Variants in ATP2A1 observed in about 807,000 individuals in gnomAD.
ATP2A1 encodes ATPase sarcoplasmic/endoplasmic reticulum Ca2+ transporting 1.
A neutral mutation model predicts 109.5 loss-of-function variants in ATP2A1; 83 were observed. The observed-to-expected ratio is 0.76, with a 90% CI of 0.63 to 0.91. The LOEUF is 0.91. ATP2A1 is among the 40% of genes least tolerant of loss of function. ATP2A1 has a pLI of 0.00. For missense variants in ATP2A1, 1,101 were observed against 1,341.0 expected (o/e 0.82, Z 2.80); for synonymous variants, 505 against 537.6 (o/e 0.94, Z 0.84).
In ATP2A1 at chr16:28,880,816, A is replaced by C; in HGVS notation, c.220-99A>C. On this transcript the variant is annotated intron_variant, in intron 3 of 22. Transcript: ENST00000395503. The surrounding 1 kb of genome is among the most constrained non-coding windows in gnomAD (Gnocchi z 4.2). ...GCCCGGCCCTCCTGCTGGCTCCTGC[A>C]CTCTCCTGCACAGTTCTCCCCTTTG... The C allele has an allele frequency of 8.3e-7, 1 of 1,200,174 alleles. No homozygotes were observed. The highest frequency in any genetic ancestry group is 1.2e-6 in the Non-Finnish European group (1 of 807,532). 74.3% of individuals were successfully genotyped at this position (1,200,174 alleles called of 1,614,324 possible). A position where few individuals can be genotyped will look rare whatever the true frequency, so the allele number is the denominator to read the frequency against.
At position 28,902,466 on chromosome 16, in the gene ATP2A1, T is replaced by C. The variant is rs7189927; in HGVS notation, c.2524+80T>C. The C allele has an allele frequency of 0.67, 1,045,546 of 1,570,416 alleles. 351,900 individuals are homozygous for C. Among genetic ancestry groups the C allele is most frequent in the East Asian group, 0.87 (38,751 of 44,386 alleles). On this transcript the variant is annotated intron_variant, in intron 17 of 22. Coordinates refer to ENST00000395503, the MANE Select transcript of ATP2A1 (RefSeq NM_004320.6). The surrounding 1 kb of genome is among the most constrained non-coding windows in gnomAD (Gnocchi z 4.8). ...TGGGACACCAGCTCCCCCATGCAGG[T>C]GCTGAGAGGGTCTTCTTCCTTGGCC...
chr16:28,880,064 G>GTGA lies in ATP2A1; in HGVS notation c.219+488_219+490dup. ...CCTAGTGGCGGGAAAGCGCGGCGGT[G>GTGA]TGATGATGACTCCAAGGAGCCCGGC... On this transcript the variant is annotated intron_variant, in intron 3 of 22. Coordinates refer to ENST00000395503, the MANE Select transcript of ATP2A1 (RefSeq NM_004320.6). This position sits in a 1 kb window ranked among gnomAD's most constrained non-coding sequence, Gnocchi z 4.2. The GTGA allele has an allele frequency of 1.0e-6, 1 of 1,004,748 alleles. No individual in the cohort carries two copies. The highest frequency in any genetic ancestry group is 1.2e-6 in the Non-Finnish European group (1 of 845,074). The allele number at this position is 1,004,748 out of a possible 1,614,324, so 62.2% of individuals were successfully genotyped here.
In ATP2A1 at chr16:28,887,328, T is replaced by C. The variant is rs906882373; in HGVS notation, c.630+54T>C. ...ACTCAGTCAAGCCAGGTGCCCGGGT[T>C]GGAGAGAAACATGGCGTGTGAGAAG... On this transcript the variant is annotated intron_variant, in intron 7 of 22. Coordinates refer to ENST00000395503, the MANE Select transcript of ATP2A1 (RefSeq NM_004320.6). 3.7e-6 allele frequency: 6 copies of C among 1,612,390 alleles called. No homozygotes were observed. In the African/African-American group the frequency reaches 5.3e-5, roughly 14 times the overall value.
chr16:28,885,892 G>A (rs755105112), intron 6 of ATP2A1, among the ~76,000 whole-genome samples: 3 of 152,066 alleles, frequency 2.0e-5, no homozygotes, highest in African/African-American at 4.8e-5. Flanking sequence ...TAGGCTGGGC[G>A]TGGTGGCTCA....
chr16:28,898,182 A>G lies in ATP2A1; in HGVS notation c.1546-51A>G. On this transcript the variant is annotated intron_variant, in intron 13 of 22. Coordinates refer to ENST00000395503, the MANE Select transcript of ATP2A1 (RefSeq NM_004320.6). This position sits in a 1 kb window ranked among gnomAD's most constrained non-coding sequence, Gnocchi z 4.0. ...TTCTTCCTACTCCTAGCCACCTGTC[A>G]CTGCCCTGGAAGGAAAGTGGTGGTC... is the stretch of plus-strand genomic sequence containing the variant. 6.2e-7 allele frequency: 1 copy of G among 1,614,150 alleles called. No homozygotes were observed.
At chr16:28,894,125 C>T (rs759797411) in intron 9 of ATP2A1, 30 bp from the exon 10 acceptor site, 17 of 1,596,678 alleles carry the variant, frequency 1.1e-5, no homozygotes, top group Non-Finnish European at 1.4e-5. Context: ...AAGAGGTGGA[C>T]ATCTGTGTGC....
At chr16:28,889,870 G>A (rs1408901732) in intron 9 of ATP2A1, among the ~76,000 whole-genome samples, 1 of 152,212 alleles carries the variant, frequency 6.6e-6, no homozygotes, top group Non-Finnish European at 1.5e-5. Flanking sequence ...CAGGCCAGGT[G>A]CAATGGCTAA....
Position 28,898,451 on chromosome 16 carries a change from G to A in ATP2A1, c.1764G>A (p.Glu588=), listed in dbSNP as rs1273008788. The change falls in exon 14 of 23, where the codon GAG becomes GAA. Residue 588 remains glutamate, a splice_region_variant and synonymous_variant. Coordinates refer to ENST00000395503, the MANE Select transcript of ATP2A1 (RefSeq NM_004320.6). The surrounding 1 kb of genome is among the most constrained non-coding windows in gnomAD (Gnocchi z 4.0). The part of the protein sequence containing the change: ...LDDSARFLEY[E]TDLTFVGVVG... ...ACTCTGCCAGGTTCCTGGAGTATGA[G>A]GTAAGCAGCTGGGAGCCTCCCACTG... 7 of 1,611,044 alleles carry A rather than the reference G, an allele frequency of 4.3e-6. No individual in the cohort carries two copies. Among genetic ancestry groups the A allele is most frequent in the East Asian group, 2.2e-5 (1 of 44,702 alleles).
Position 28,903,243 on chromosome 16 carries a change from T to A in ATP2A1, c.2863-80T>A. ...CACCAGGGGCGCCGATGTGGGAGGC[T>A]GGTGGGAGTGGGCTGGGCAGTGCTG... On this transcript the variant is annotated intron_variant, in intron 20 of 22. Coordinates refer to ENST00000395503, the MANE Select transcript of ATP2A1 (RefSeq NM_004320.6). This position sits in a 1 kb window ranked among gnomAD's most constrained non-coding sequence, Gnocchi z 5.6. 1 of 1,571,028 alleles carries A rather than the reference T, an allele frequency of 6.4e-7. No homozygotes were observed. Among genetic ancestry groups the A allele is most frequent in the Non-Finnish European group, 8.8e-7 (1 of 1,141,930 alleles).
rs372107778 is a variant in ATP2A1 at position 28,903,427 on chromosome 16, G to C, written c.2967G>C (p.Arg989=). 2.5e-6 allele frequency: 4 copies of C among 1,613,572 alleles called. No individual in the cohort carries two copies. The highest frequency in any genetic ancestry group is 1.7e-5 in the Admixed American group (1 of 59,994). Residue 989 remains arginine, a synonymous_variant, in exon 21 of 23, where the codon CGG becomes CGC. Coordinates refer to ENST00000395503, the MANE Select transcript of ATP2A1 (RefSeq NM_004320.6). The surrounding 1 kb of genome is among the most constrained non-coding windows in gnomAD (Gnocchi z 5.6). ...ACGAAATCCTCAAGTTCGTTGCTCG[G>C]AACTACCTAGAGGGTAAGGAGTGCC... ...GLDEILKFVA[R]NYLEG
At chr16:28,893,234 A>G (rs1056036881) in intron 9 of ATP2A1, among the ~76,000 whole-genome samples, 6 of 151,204 alleles carry the variant, frequency 4.0e-5, no homozygotes, top group South Asian at 2.1e-4. Flanking sequence ...AAAAAAAAAA[A>G]AAGAGAGAGA....
chr16:28,880,111 G>C lies in ATP2A1; in HGVS notation c.219+528G>C. 1 of 996,896 alleles carries C rather than the reference G, an allele frequency of 1.0e-6. No homozygotes were observed. The highest frequency in any genetic ancestry group is 1.2e-6 in the Non-Finnish European group (1 of 839,118). The allele number at this position is 996,896 out of a possible 1,614,324, so 61.8% of individuals were successfully genotyped here. A position where few individuals can be genotyped will look rare whatever the true frequency, so the allele number is the denominator to read the frequency against. ...CGGCGCCCGGTCAGGGAGGGCACTG[G>C]CATCCCTCATTACCCGCCCAGCCTG... On this transcript the variant is annotated intron_variant, in intron 3 of 22. Coordinates refer to ENST00000395503, the MANE Select transcript of ATP2A1 (RefSeq NM_004320.6). The surrounding 1 kb of genome is among the most constrained non-coding windows in gnomAD (Gnocchi z 4.2).
At chr16:28,904,022 G>C (rs1013367994) in intron 22 of ATP2A1, among the ~76,000 whole-genome samples, 158 bp from the exon 23 acceptor site, 1 of 152,010 alleles carries the variant, frequency 6.6e-6, no homozygotes, top group Non-Finnish European at 1.5e-5. Flanking sequence ...CTGCAGTGGG[G>C]GGGGGCGGGG....
chr16:28,885,013 T>C (rs1309207036), intron 6 of ATP2A1, among the ~76,000 whole-genome samples: 148 of 151,914 alleles, frequency 9.7e-4, no homozygotes, highest in Non-Finnish European at 4.1e-4. Context: ...CCGAGGTGGG[T>C]GGATCACCTG....
chr16:28,889,080 G>C (rs1377343206), intron 9 of ATP2A1, 127 bp downstream of exon 9: 1 of 1,366,104 alleles, frequency 7.3e-7, no homozygotes, highest in East Asian at 2.3e-5. Flanking sequence ...AATGCTCAAA[G>C]GGCAGTAGAA....
At chr16:28,893,860 A>T (rs550652327) in intron 9 of ATP2A1, among the ~76,000 whole-genome samples, 7 of 151,850 alleles carry the variant, frequency 4.6e-5, no homozygotes, top group Non-Finnish European at 8.8e-5. Flanking sequence ...GTTGGCCAGG[A>T]TGGTCTTGCA....
Position 28,902,893 on chromosome 16 carries a change from T to C in ATP2A1, c.2726T>C (p.Met909Thr), listed in dbSNP as rs1163303374. ...MALSVLVTIE[M>T]CNALNSLSEN... is the part of the protein sequence containing the mutation. ...CTGTCCGTGCTGGTGACCATCGAGA[T>C]GTGCAATGCACTGAACAGGTGGGGG... The change falls in exon 19 of 23, where the codon ATG (methionine) becomes ACG (threonine). Residue 909 changes from methionine (M) to threonine (T), a missense_variant. Physicochemically the swap from Met to Thr is moderately conservative, Grantham distance 81. Coordinates refer to ENST00000395503, the MANE Select transcript of ATP2A1 (RefSeq NM_004320.6). The surrounding 1 kb of genome is among the most constrained non-coding windows in gnomAD (Gnocchi z 4.8). 4 of 1,613,742 alleles carry C rather than the reference T, an allele frequency of 2.5e-6. No individual in the cohort carries two copies. The South Asian group carries it at 3.3e-5, about 13-fold the overall frequency.
intron 9 of ATP2A1, among the ~76,000 whole-genome samples, chr16:28,890,582 G>A (rs969666243): frequency 2.6e-5 from 4 of 152,276 alleles, no homozygotes; most frequent in Non-Finnish European, 5.9e-5. Flanking sequence ...TTGAGCCCAG[G>A]AGTTTTAGAC....
At chr16:28,881,051 T>C in intron 4 of ATP2A1, 32 bp downstream of exon 4, 1 of 1,598,554 alleles carries the variant, frequency 6.3e-7, no homozygotes, top group Non-Finnish European at 8.6e-7. Flanking sequence ...CCCCTTCATG[T>C]CCCAACAGTG....
Sources: gnomAD v4.1 joint callset for allele counts (sites outside exome capture counted in the v4.1 genomes callset) on GRCh38, gnomAD v4.1.1 for gene constraint, Gnocchi (gnomAD v3.1) non-coding constraint, MANE v1.5 for transcripts, NCBI Gene and HGNC (gene_info 2026-07-23, HGNC 2026-07-21) for gene names.